The following NOL4 variants were observed in gnomAD, a reference collection of about 807,000 sequenced individuals.
NOL4 encodes the protein cancer/testis antigen 125.
In NOL4, 17 loss-of-function variants were observed where a neutral mutation model predicts 75.9. The ratio of observed to expected loss-of-function variants is 0.22; its 90% CI spans 0.15 to 0.34. The LOEUF is 0.34. NOL4 is among the 10% of genes least tolerant of loss of function. NOL4 has a pLI of 1.00. For missense variants in NOL4, 614 were observed against 793.5 expected, an observed-to-expected ratio of 0.77 and a Z score of 2.72; for synonymous variants, 292 against 289.9, an observed-to-expected ratio of 1.01 and a Z score of -0.07.
intron 1 of NOL4, among the ~76,000 whole-genome samples, chr18:34,192,445 CCT>C (rs1285891620): frequency 1.4e-4 from 22 of 152,254 alleles, no homozygotes; most frequent in African/African-American, 4.8e-4. Context: ...CCTCACACTA[CCT>C]GACTTCGAAA....
At chr18:34,044,098 TTG>T (rs1197721650) in intron 5 of NOL4, among the ~76,000 whole-genome samples, 1 of 152,164 alleles carries the variant, frequency 6.6e-6, no homozygotes, top group Admixed American at 6.6e-5. Flanking sequence ...CTATAAAAAA[TTG>T]TGTTATTTCT....
At chr18:33,987,391 T>G (rs554987516) in intron 6 of NOL4, among the ~76,000 whole-genome samples, 1 of 152,148 alleles carries the variant, frequency 6.6e-6, no homozygotes, top group South Asian at 2.1e-4. Context: ...CACTAAAGCT[T>G]CTAGGAATGA....
At chr18:33,871,987 T>C (rs1227444872) in intron 10 of NOL4, among the ~76,000 whole-genome samples, 1 of 152,028 alleles carries the variant, frequency 6.6e-6, no homozygotes, top group Non-Finnish European at 1.5e-5. Context: ...ACTTTCAATT[T>C]TTCAGCAAAT....
intron 2 of NOL4, among the ~76,000 whole-genome samples, chr18:34,115,900 G>T (rs946665897): frequency 3.9e-5 from 6 of 152,012 alleles, no homozygotes; most frequent in African/African-American, 1.2e-4. Flanking sequence ...GTGGAGTGGG[G>T]GAATTTGGCA....
chr18:33,977,972 C>A (rs962973159), intron 6 of NOL4, among the ~76,000 whole-genome samples: 23 of 152,110 alleles, frequency 1.5e-4, no homozygotes, highest in Non-Finnish European at 3.1e-4. Context: ...AAAGAAGAAT[C>A]ATGCATGGAA....
intron 1 of NOL4, among the ~76,000 whole-genome samples, chr18:34,213,724 C>T (rs2036679095): frequency 6.6e-6 from 1 of 152,210 alleles, no homozygotes; most frequent in Non-Finnish European, 1.5e-5. Flanking sequence ...AGCAAGAAGG[C>T]TTCTTGGACT....
At chr18:34,103,774 G>A (rs2079145158) in intron 4 of NOL4, among the ~76,000 whole-genome samples, 1 of 151,790 alleles carries the variant, frequency 6.6e-6, no homozygotes, top group Admixed American at 6.6e-5. Flanking sequence ...CTTTACCAAG[G>A]CCAGCTCAGT....
chr18:34,086,763 TGC>T (rs2078262994), intron 5 of NOL4, among the ~76,000 whole-genome samples: 2 of 152,220 alleles, frequency 1.3e-5, no homozygotes, highest in Admixed American at 1.3e-4. Context: ...TGTGTTTGTG[TGC>T]GTGTTCTAAA....
At chr18:33,932,171 A>C (rs1390037986) in intron 9 of NOL4, among the ~76,000 whole-genome samples, 1 of 152,060 alleles carries the variant, frequency 6.6e-6, no homozygotes, top group African/African-American at 2.4e-5. Flanking sequence ...ATTTTATTAC[A>C]TATTACTTTC....
intron 10 of NOL4, among the ~76,000 whole-genome samples, chr18:33,856,922 T>C (rs1247001406): frequency 6.6e-6 from 1 of 152,038 alleles, no homozygotes; most frequent in East Asian, 1.9e-4. Context: ...TTAGTGTTCC[T>C]TTTCATCAAA....
In NOL4 at chr18:34,169,963, A is replaced by G. The variant is rs191045848; in HGVS notation, c.265-39943T>C. On this transcript the variant is annotated intron_variant, in intron 1 of 10. Transcript: ENST00000261592. ...CTCTCTCTTGCTTTTTAGACTTTGT[A>G]TATGCTGTTCTGTTTCTTCCATTTA... is the stretch of plus-strand genomic sequence containing the variant. Among the ~76,000 whole-genome samples, 359 of 152,214 alleles carry G rather than the reference A, an allele frequency of 2.4e-3. 1 individual carries two copies. Among genetic ancestry groups the G allele is most frequent in the Non-Finnish European group, 4.2e-3 (288 of 67,994 alleles).
chr18:33,878,288 T>C (rs1386717203), intron 10 of NOL4, among the ~76,000 whole-genome samples: 1 of 152,104 alleles, frequency 6.6e-6, no homozygotes, highest in African/African-American at 2.4e-5. Flanking sequence ...TCTTTCAAAG[T>C]GTTCTCACTT....
At position 33,957,473 on chromosome 18, in the gene NOL4, G is replaced by C. The variant is rs2069737647; in HGVS notation, c.1281C>G (p.Val427=). Reference sequence around the variant, plus strand: ...TTTCTTTGGGCTGCTTAGAGATTGGGACCATTCGGTCCAAGTTTTCATCTA... The same window carrying C: ...TTTCTTTGGGCTGCTTAGAGATTGGCACCATTCGGTCCAAGTTTTCATCTA... ...LFVDENLDRM[V]PISKQPKEKI... The change falls in exon 8 of 11, where the codon GTC becomes GTG. Residue 427 remains valine (V), a synonymous_variant. Coordinates refer to ENST00000261592, the MANE Select transcript of NOL4 (RefSeq NM_003787.5). 2 of 1,613,388 alleles carry C rather than the reference G, an allele frequency of 1.2e-6. No individual in the cohort carries two copies. The highest frequency in any genetic ancestry group is 2.7e-5 in the African/African-American group (2 of 74,884).
intron 1 of NOL4, among the ~76,000 whole-genome samples, chr18:34,175,038 T>C (rs1356686050): frequency 6.6e-6 from 1 of 152,150 alleles, no homozygotes; most frequent in East Asian, 1.9e-4. Flanking sequence ...CATTACTGGG[T>C]ATATACCCAA....
At chr18:33,887,459 T>C (rs1289040088) in intron 9 of NOL4, among the ~76,000 whole-genome samples, 1 of 151,660 alleles carries the variant, frequency 6.6e-6, no homozygotes, top group South Asian at 2.1e-4. Flanking sequence ...CTAGGGTACA[T>C]GTGCACAATG....
chr18:33,856,410 A>G (rs1466758634), intron 10 of NOL4, among the ~76,000 whole-genome samples: 2 of 152,126 alleles, frequency 1.3e-5, no homozygotes, highest in African/African-American at 4.8e-5. Context: ...GCTTGAGTAC[A>G]GTGATTTCCA....
Position 33,947,160 on chromosome 18 carries a change from A to G in NOL4, c.1429-3982T>C, listed in dbSNP as rs528519963. ...AAAGTACTAATATCGAGAGAGTGAGAAGGAAATTAATAAATTTTTCTCATT... is the reference window on the plus strand; with the variant it reads ...AAAGTACTAATATCGAGAGAGTGAGGAGGAAATTAATAAATTTTTCTCATT... On this transcript the variant is annotated intron_variant, in intron 8 of 10. Transcript: ENST00000261592. 1.4e-4 allele frequency among the ~76,000 whole-genome samples: 21 copies of G among 151,940 alleles called. 1 individual carries two copies. The South Asian group carries it at 2.9e-3, about 21-fold the overall frequency.
intron 2 of NOL4, among the ~76,000 whole-genome samples, chr18:34,122,114 T>C (rs1381583429): frequency 1.3e-5 from 2 of 152,202 alleles, no homozygotes; most frequent in African/African-American, 4.8e-5. Context: ...ACTAGGTTAC[T>C]GACTCAGTTT....
chr18:34,095,189 C>G (rs528879041), intron 4 of NOL4, among the ~76,000 whole-genome samples: 28 of 151,864 alleles, frequency 1.8e-4, no homozygotes, highest in African/African-American at 5.3e-4. Flanking sequence ...ACATAGACTT[C>G]TCTTAGTTGC....
Sources: gnomAD v4.1 joint callset for allele counts (sites outside exome capture counted in the v4.1 genomes callset) on GRCh38, gnomAD v4.1.1 for gene constraint, MANE v1.5 for transcripts, NCBI Gene and HGNC (gene_info 2026-07-23, HGNC 2026-07-21) for gene names.